Variants in AIG1 observed in about 807,000 individuals in gnomAD.
AIG1 encodes androgen induced 1.
In AIG1, 23 loss-of-function variants were observed where a neutral mutation model predicts 31.4. The ratio of observed to expected loss-of-function variants is 0.73; its 90% CI spans 0.53 to 1.04. The LOEUF (loss-of-function observed/expected upper bound fraction) is 1.04. Ranked by LOEUF, AIG1 falls within the 50% of genes least tolerant of loss-of-function variation. The probability of loss-of-function intolerance (pLI) is 0.00; values close to 1 mark genes in which losing one functional copy is unlikely to be tolerated. For missense variants in AIG1, 274 were observed against 295.0 expected (o/e 0.93, Z 0.52); for synonymous variants, 100 against 110.5 (o/e 0.90, Z 0.60).
chr6:143,309,907 G>A (rs139702527), intron 4 of AIG1, among the ~76,000 whole-genome samples: 1 of 151,962 alleles, frequency 6.6e-6, no homozygotes, highest in East Asian at 1.9e-4. Flanking sequence ...ATAAACAGGA[G>A]TACTACATAA....
intron 1 of AIG1, among the ~76,000 whole-genome samples, chr6:143,134,396 C>CTTTTTTTT (rs61322198): frequency 1.8e-5 from 2 of 111,394 alleles, no homozygotes; most frequent in Non-Finnish European, 2.0e-5. Flanking sequence ...TCCTGGTTTC[C>CTTTTTTTT]TTTTTTTTTT....
chr6:143,304,499 T>C lies in AIG1; in HGVS notation c.515+20274T>C, dbSNP rs1240613271. 3.9e-5 allele frequency among the ~76,000 whole-genome samples: 6 copies of C among 152,292 alleles called. No individual in the cohort carries two copies. In the East Asian group the frequency reaches 9.7e-4, roughly 24 times the overall value. On this transcript the variant is annotated intron_variant, in intron 4 of 5. Transcript: ENST00000357847. ...TTGAGATAATCATGTGGTTTTTGTC[T>C]TTGGTTCTATTTATATGCTGGATTA...
intron 3 of AIG1, among the ~76,000 whole-genome samples, chr6:143,217,299 C>T (rs1792106800): frequency 6.6e-6 from 1 of 152,132 alleles, no homozygotes; most frequent in African/African-American, 2.4e-5. Flanking sequence ...CAATCAAAAA[C>T]TTGGATTGAT....
At chr6:143,116,650 C>T (rs1035443693) in intron 1 of AIG1, among the ~76,000 whole-genome samples, 3 of 149,128 alleles carry the variant, frequency 2.0e-5, no homozygotes, top group Admixed American at 6.7e-5. Context: ...GGGATGGCAC[C>T]AGGTTCAAGA....
At chr6:143,135,580 G>A (rs998764720) in intron 1 of AIG1, among the ~76,000 whole-genome samples, 5 of 152,092 alleles carry the variant, frequency 3.3e-5, no homozygotes, top group Non-Finnish European at 5.9e-5. Flanking sequence ...GACAGGCTAC[G>A]TTATGAGGAA....
intron 4 of AIG1, among the ~76,000 whole-genome samples, chr6:143,304,963 ATG>A (rs1469764212): frequency 2.6e-5 from 4 of 152,112 alleles, no homozygotes; most frequent in African/African-American, 9.7e-5. Context: ...GGGAGGGTGT[ATG>A]TGTCCAGGAA....
At chr6:143,231,684 CAGAT>C (rs1341916513) in intron 3 of AIG1, among the ~76,000 whole-genome samples, 3 of 152,196 alleles carry the variant, frequency 2.0e-5, no homozygotes, top group East Asian at 3.8e-4. Context: ...TACCATCTAA[CAGAT>C]AGCCAGTATT....
chr6:143,082,536 A>G (rs1778360737), intron 1 of AIG1, among the ~76,000 whole-genome samples: 1 of 152,234 alleles, frequency 6.6e-6, no homozygotes, highest in Non-Finnish European at 1.5e-5. Context: ...GACAGCCACA[A>G]GTCCCCTTTA....
intron 2 of AIG1, among the ~76,000 whole-genome samples, chr6:143,149,351 C>G (rs1784977157): frequency 1.3e-5 from 2 of 151,476 alleles, no homozygotes; most frequent in South Asian, 4.2e-4. Flanking sequence ...ATGGTGAAAC[C>G]CCGTCCCTAC....
intron 1 of AIG1, among the ~76,000 whole-genome samples, chr6:143,086,075 G>T (rs976324611): frequency 2.6e-5 from 4 of 152,164 alleles, no homozygotes; most frequent in Non-Finnish European, 5.9e-5. Flanking sequence ...TCCTCTAAAG[G>T]TTATTTTTCT....
intron 3 of AIG1, among the ~76,000 whole-genome samples, chr6:143,180,104 A>G (rs1274007642): frequency 6.6e-6 from 1 of 152,264 alleles, no homozygotes; most frequent in African/African-American, 2.4e-5. Flanking sequence ...GGTGTTAGCA[A>G]ATGAATCAGA....
intron 1 of AIG1, among the ~76,000 whole-genome samples, chr6:143,110,169 T>G (rs1781145598): frequency 6.6e-6 from 1 of 152,218 alleles, no homozygotes; most frequent in African/African-American, 2.4e-5. Flanking sequence ...GACTCTGTGC[T>G]GCCCCACTGG....
intron 4 of AIG1, among the ~76,000 whole-genome samples, chr6:143,300,422 A>G (rs188671505): frequency 2.8e-3 from 421 of 152,326 alleles, no homozygotes; most frequent in Non-Finnish European, 4.8e-3. Flanking sequence ...CTAGAACACA[A>G]CTGGAAAGAG....
intron 1 of AIG1, among the ~76,000 whole-genome samples, chr6:143,082,439 G>T (rs775802032): frequency 1.3e-5 from 2 of 152,200 alleles, no homozygotes; most frequent in Non-Finnish European, 2.9e-5. Context: ...TGGAAGAAAT[G>T]TGGCTGGATT....
rs1041287298 is a variant in AIG1 at position 143,268,484 on chromosome 6, A to G, written c.400-15626A>G. Among the ~76,000 whole-genome samples, 2 of 152,204 alleles carry G rather than the reference A, an allele frequency of 1.3e-5. No homozygotes were observed. Among genetic ancestry groups the G allele is most frequent in the Non-Finnish European group, 2.9e-5 (2 of 68,042 alleles). On this transcript the variant is annotated intron_variant, in intron 3 of 5. Transcript: ENST00000357847. This position sits in a 1 kb window ranked among gnomAD's most constrained non-coding sequence, Gnocchi z 5.0. ...GCCCTGGCTAGTAAGAAAGCCAGTTATATGTCAAGGAGGCTTATTAGCTGT... is the reference window on the plus strand; with the variant it reads ...GCCCTGGCTAGTAAGAAAGCCAGTTGTATGTCAAGGAGGCTTATTAGCTGT...
chr6:143,094,527 T>C (rs1779581797), intron 1 of AIG1, among the ~76,000 whole-genome samples: 1 of 152,100 alleles, frequency 6.6e-6, no homozygotes, highest in Non-Finnish European at 1.5e-5. Context: ...TAGGGGAAAA[T>C]ACCTTCTCAA....
At chr6:143,083,970 T>A (rs1778527018) in intron 1 of AIG1, among the ~76,000 whole-genome samples, 1 of 152,108 alleles carries the variant, frequency 6.6e-6, no homozygotes, top group Admixed American at 6.6e-5. Flanking sequence ...GAAAGGCATG[T>A]GAAAAGAGTA....
At position 143,340,956 on chromosome 6, in the gene AIG1, A is replaced by G. The variant is rs1201933516; in HGVS notation, c.*1280A>G. 6.6e-6 allele frequency among the ~76,000 whole-genome samples: 1 copy of G among 152,196 alleles called. No individual in the cohort carries two copies. Among genetic ancestry groups the G allele is most frequent in the Non-Finnish European group, 1.5e-5 (1 of 68,034 alleles). ...TATAATTACATTTTAAAATTAAAAA[A>G]TGAAAAGCATTAAACTTTTTAATTT... On this transcript the variant is annotated 3_prime_UTR_variant, in exon 6 of 6. Transcript: ENST00000357847.
At chr6:143,230,509 ACT>A (rs963603320) in intron 3 of AIG1, among the ~76,000 whole-genome samples, 29 of 149,622 alleles carry the variant, frequency 1.9e-4, no homozygotes, top group South Asian at 2.1e-4. Flanking sequence ...TCTTTTTTAC[ACT>A]CTTTTTTCTT....
Sources: allele counts gnomAD v4.1 joint callset (sites outside exome capture counted in the v4.1 genomes callset), GRCh38; gene constraint gnomAD v4.1.1; non-coding constraint Gnocchi (gnomAD v3.1); transcripts MANE v1.5; gene names NCBI Gene and HGNC (gene_info 2026-07-23, HGNC 2026-07-21).